ROBO1: variants seen among roughly 807,000 people sequenced by gnomAD.
The protein encoded by ROBO1 is roundabout guidance receptor 1.
A neutral mutation model predicts 195.9 loss-of-function variants in ROBO1; 149 were observed. That is an observed-to-expected ratio of 0.76 (90% CI 0.67 to 0.87). ROBO1 has a LOEUF of 0.87. Ranked by LOEUF, ROBO1 falls within the 40% of genes least tolerant of loss-of-function variation. ROBO1 has a pLI of 0.00. For synonymous variants in ROBO1, 816 were observed against 733.2 expected (o/e 1.11, Z -1.82); for missense variants, 1,933 against 2,068.3 (o/e 0.93, Z 1.27).
chr3:78,917,331 G>T (rs2038669355), intron 4 of ROBO1, among the ~76,000 whole-genome samples: 1 of 151,814 alleles, frequency 6.6e-6, no homozygotes, highest in Non-Finnish European at 1.5e-5. Flanking sequence ...TCCTGACCTT[G>T]TGATCCACTA....
In ROBO1 at chr3:79,766,028, G is replaced by A. The variant is rs138140259; in HGVS notation, c.-51+1724C>T. On this transcript the variant is annotated intron_variant, in intron 1 of 30. Transcript: ENST00000464233. ...GCACTCCTTGGCGGGGCGTGAAAGG[G>A]TGGGAGGTGCTGAGGTCAGGGTTAA... Among the ~76,000 whole-genome samples the A allele has an allele frequency of 3.9e-5, 6 of 152,200 alleles. No individual in the cohort carries two copies. The East Asian group carries it at 1.2e-3, about 30-fold the overall frequency.
chr3:78,990,584 T>C (rs1013386538), intron 3 of ROBO1, among the ~76,000 whole-genome samples: 6 of 152,178 alleles, frequency 3.9e-5, no homozygotes, highest in Non-Finnish European at 7.3e-5. Context: ...GGAGAAATCA[T>C]AGACAAAAAA....
intron 2 of ROBO1, among the ~76,000 whole-genome samples, chr3:79,288,990 A>G (rs1023697209): frequency 2.0e-5 from 3 of 152,174 alleles, no homozygotes; most frequent in Non-Finnish European, 4.4e-5. Flanking sequence ...AGGAAGTAAC[A>G]AACAACATGT....
intron 3 of ROBO1, among the ~76,000 whole-genome samples, chr3:79,083,462 A>G (rs536334627): frequency 6.6e-6 from 1 of 152,198 alleles, no homozygotes; most frequent in Admixed American, 6.5e-5. Context: ...TTTATAACCT[A>G]TCATGTTTTC....
At chr3:79,704,484 TTAA>T in intron 1 of ROBO1, among the ~76,000 whole-genome samples, 1 of 152,014 alleles carries the variant, frequency 6.6e-6, no homozygotes, top group Admixed American at 6.6e-5. Flanking sequence ...TAATATGCAT[TTAA>T]GTTTCCCTCA....
intron 5 of ROBO1, among the ~76,000 whole-genome samples, chr3:78,718,442 G>A (rs920317287): frequency 6.6e-6 from 1 of 152,082 alleles, no homozygotes; most frequent in Non-Finnish European, 1.5e-5. Flanking sequence ...TGATGTTGCT[G>A]CCACCCAAGC....
chr3:79,269,254 T>C (rs1357578560), intron 2 of ROBO1, among the ~76,000 whole-genome samples: 5 of 151,748 alleles, frequency 3.3e-5, no homozygotes. Context: ...GATTACAATG[T>C]TTTTCCTAAA....
At chr3:79,637,400 T>A (rs1388668891) in intron 1 of ROBO1, among the ~76,000 whole-genome samples, 3 of 138,062 alleles carry the variant, frequency 2.2e-5, no homozygotes, top group African/African-American at 5.4e-5. Flanking sequence ...AAAAAAAAAA[T>A]TAAAATGTGA....
intron 4 of ROBO1, among the ~76,000 whole-genome samples, chr3:78,831,109 C>A (rs1340527264): frequency 6.6e-6 from 1 of 152,038 alleles, no homozygotes; most frequent in Non-Finnish European, 1.5e-5. Context: ...GACGGGGTTT[C>A]ACCATGTTGG....
At chr3:79,548,375 C>T (rs771759874) in intron 2 of ROBO1, among the ~76,000 whole-genome samples, 10 of 152,280 alleles carry the variant, frequency 6.6e-5, no homozygotes, top group South Asian at 2.1e-4. Context: ...CCTGACTCCA[C>T]GGATACCCAT....
intron 4 of ROBO1, among the ~76,000 whole-genome samples, chr3:78,775,102 C>G (rs1456777010): frequency 6.6e-6 from 1 of 152,124 alleles, no homozygotes. Context: ...TGCACATATT[C>G]CCTTGTATAA....
intron 4 of ROBO1, among the ~76,000 whole-genome samples, chr3:78,785,584 C>T (rs2083809548): frequency 1.3e-5 from 2 of 152,168 alleles, no homozygotes; most frequent in Admixed American, 6.5e-5. Context: ...CAAATTCTGG[C>T]TATGATTCAA....
intron 3 of ROBO1, among the ~76,000 whole-genome samples, chr3:79,000,787 T>C (rs1184328182): frequency 3.9e-5 from 6 of 152,086 alleles, no homozygotes; most frequent in African/African-American, 1.4e-4. Context: ...ACCCAAAGGA[T>C]TATAAATCAT....
At chr3:79,646,703 T>C (rs934486218) in intron 1 of ROBO1, among the ~76,000 whole-genome samples, 13 of 152,118 alleles carry the variant, frequency 8.5e-5, no homozygotes, top group African/African-American at 3.1e-4. Flanking sequence ...GTAGTATGTA[T>C]ACACAATGAA....
chr3:78,727,434 G>C (rs577421944), intron 5 of ROBO1, among the ~76,000 whole-genome samples: 1 of 152,046 alleles, frequency 6.6e-6, no homozygotes, highest in African/African-American at 2.4e-5. Context: ...AGACCATCCT[G>C]GCTAACACGG....
intron 2 of ROBO1, among the ~76,000 whole-genome samples, chr3:79,424,284 G>A (rs1046372937): frequency 7.3e-5 from 11 of 151,256 alleles, no homozygotes; most frequent in East Asian, 2.0e-4. Flanking sequence ...AATTAACCAT[G>A]CACAAAGTTA....
chr3:78,673,599 TATATATACAC>T (rs1575897255), intron 10 of ROBO1, among the ~76,000 whole-genome samples: 5 of 62,498 alleles, frequency 8.0e-5, no homozygotes, highest in Non-Finnish European at 1.7e-4. Context: ...TATATATATA[TATATATACAC>T]ACATATATTA....
intron 4 of ROBO1, among the ~76,000 whole-genome samples, chr3:78,936,073 A>G (rs1350074908): frequency 6.6e-6 from 1 of 152,076 alleles, no homozygotes; most frequent in African/African-American, 2.4e-5. Context: ...AAATAAAAAT[A>G]AATAATCCCC....
chr3:78,947,259 C>A (rs563608198), intron 3 of ROBO1, among the ~76,000 whole-genome samples: 1 of 152,250 alleles, frequency 6.6e-6, no homozygotes, highest in East Asian at 1.9e-4. Context: ...CCAAAACTGA[C>A]CACATAGTAG....
Sources: gnomAD v4.1 joint callset for allele counts (sites outside exome capture counted in the v4.1 genomes callset) on GRCh38, gnomAD v4.1.1 for gene constraint, MANE v1.5 for transcripts, NCBI Gene and HGNC (gene_info 2026-07-23, HGNC 2026-07-21) for gene names.